Variants in NALCN observed in about 807,000 individuals in gnomAD.
NALCN encodes the protein sodium leak channel NALCN.
Under a neutral mutation model 225.3 loss-of-function variants are expected in NALCN, and 111 were observed. The ratio of observed to expected loss-of-function variants is 0.49; its 90% CI spans 0.42 to 0.58. The LOEUF is 0.58. NALCN is among the 20% of genes least tolerant of loss of function. The pLI is 0.00. For missense variants in NALCN, 1,378 were observed against 2,202.4 expected (o/e 0.63, Z 7.49); for synonymous variants, 764 against 769.0 (o/e 0.99, Z 0.11).
intron 6 of NALCN, among the ~76,000 whole-genome samples, chr13:101,349,863 T>A (rs2045857267): frequency 6.6e-6 from 1 of 152,128 alleles, no homozygotes; most frequent in Admixed American, 6.6e-5. Flanking sequence ...TCCAGCTCAA[T>A]AGGTCCCTTA....
At chr13:101,180,470 G>C (rs2039158891) in intron 14 of NALCN, 1 of 152,274 alleles carries the variant, frequency 6.6e-6, no homozygotes, top group Admixed American at 6.5e-5. Flanking sequence ...CTCCCAAAGT[G>C]CTAGGATTAC....
At chr13:101,094,778 CA>C (rs2034417522) in intron 28 of NALCN, among the ~76,000 whole-genome samples, 1 of 152,118 alleles carries the variant, frequency 6.6e-6, no homozygotes, top group Admixed American at 6.6e-5. Flanking sequence ...TGCTAGGGTA[CA>C]GCTGGGTGAA....
At chr13:101,312,951 C>A (rs2044404981) in intron 7 of NALCN, among the ~76,000 whole-genome samples, 1 of 152,150 alleles carries the variant, frequency 6.6e-6, no homozygotes, top group African/African-American at 2.4e-5. Context: ...GCTACAGTAA[C>A]CAAAACAGCA....
intron 40 of NALCN, 132 bp from the exon 41 acceptor site, chr13:101,062,250 C>T (rs540213139): frequency 1.2e-4 from 125 of 1,011,024 alleles, no homozygotes; most frequent in Middle Eastern, 9.5e-4. Context: ...CCTCGCCACC[C>T]GCATGTCTTG....
chr13:101,109,833 G>A (rs1594224935), intron 20 of NALCN, among the ~76,000 whole-genome samples: 1 of 151,962 alleles, frequency 6.6e-6, no homozygotes, highest in Admixed American at 6.6e-5. Flanking sequence ...GATAACCATC[G>A]TATCTAAAAT....
chr13:101,238,912 G>T (rs1455094221), intron 11 of NALCN, among the ~76,000 whole-genome samples: 1 of 151,934 alleles, frequency 6.6e-6, no homozygotes, highest in Admixed American at 6.6e-5. Context: ...TAAAGGCACT[G>T]CAGATAGTTA....
At chr13:101,413,563 T>A (rs9513890) in intron 1 of NALCN, among the ~76,000 whole-genome samples, 96,778 of 151,562 alleles carry the variant, frequency 0.64, 31,492 homozygotes, top group African/African-American at 0.7. Flanking sequence ...TATTCAGTGG[T>A]AAAAACAGTA....
At chr13:101,376,417 T>C (rs1481660224) in intron 6 of NALCN, among the ~76,000 whole-genome samples, 1 of 152,106 alleles carries the variant, frequency 6.6e-6, no homozygotes, top group Non-Finnish European at 1.5e-5. Flanking sequence ...CTTGGCAGGC[T>C]GAGGAAGGAG....
In NALCN at chr13:101,177,038, G is replaced by A. The variant is rs566745660; in HGVS notation, c.1765-664C>T. On this transcript the variant is annotated intron_variant, in intron 14 of 43. Coordinates refer to ENST00000251127, the MANE Select transcript of NALCN (RefSeq NM_052867.4). ...TGGTCTCTCCTAGATCACCTGCTCT[G>A]TGGAAGCAGGTGCTATGTTGTGAGG... 2.0e-5 allele frequency among the ~76,000 whole-genome samples: 3 copies of A among 152,304 alleles called. No homozygotes were observed. The South Asian group carries it at 6.2e-4, about 32-fold the overall frequency.
At chr13:101,321,374 A>G (rs1334182646) in intron 7 of NALCN, among the ~76,000 whole-genome samples, 1 of 152,172 alleles carries the variant, frequency 6.6e-6, no homozygotes, top group Non-Finnish European at 1.5e-5. Context: ...TTATAACCTC[A>G]TCAGTTACTA....
chr13:101,324,277 G>A lies in NALCN; in HGVS notation c.799+20989C>T, dbSNP rs187272689. On this transcript the variant is annotated intron_variant, in intron 7 of 43. Transcript: ENST00000251127. Reference sequence around the variant, plus strand: ...TGTGCAACAAGTATTTAACACTGACGAAAGCAAAAAATATAATGTCAATCA... The same window carrying A: ...TGTGCAACAAGTATTTAACACTGACAAAAGCAAAAAATATAATGTCAATCA... 4.6e-5 allele frequency among the ~76,000 whole-genome samples: 7 copies of A among 152,138 alleles called. No homozygotes were observed. The East Asian group carries it at 1.2e-3, about 25-fold the overall frequency.
intron 2 of NALCN, among the ~76,000 whole-genome samples, chr13:101,395,586 A>G (rs568338308): frequency 2.6e-5 from 4 of 152,222 alleles, no homozygotes; most frequent in Non-Finnish European, 4.4e-5. Context: ...CCACATAAAC[A>G]CACTAAGACA....
chr13:101,128,283 T>C (rs2139716631), intron 17 of NALCN, among the ~76,000 whole-genome samples: 1 of 152,342 alleles, frequency 6.6e-6, no homozygotes, highest in Admixed American at 6.5e-5. Flanking sequence ...TAAATTAAAT[T>C]TAAATTATCA....
chr13:101,348,298 T>C (rs1304005484), intron 6 of NALCN, among the ~76,000 whole-genome samples: 1 of 152,146 alleles, frequency 6.6e-6, no homozygotes, highest in East Asian at 1.9e-4. Flanking sequence ...TCCATAATGG[T>C]GTGAAAACGT....
At chr13:101,125,941 G>C (rs1375934716) in intron 17 of NALCN, among the ~76,000 whole-genome samples, 1 of 152,146 alleles carries the variant, frequency 6.6e-6, no homozygotes, top group Non-Finnish European at 1.5e-5. Context: ...CAAAGTTGAG[G>C]GGGGAAAGAA....
intron 10 of NALCN, among the ~76,000 whole-genome samples, chr13:101,270,215 G>C (rs1160656343): frequency 1.3e-5 from 2 of 152,160 alleles, no homozygotes; most frequent in East Asian, 3.8e-4. Flanking sequence ...ATTGTTGTGA[G>C]TTTTTCTTTA....
chr13:101,130,146 A>G lies in NALCN; in HGVS notation c.2119-5465T>C, dbSNP rs570619438. ...ACCTAAGCTTTTCTATATGATATCT[A>G]TATCTCCTTTTTTCTCCACAAAGAG... On this transcript the variant is annotated intron_variant, in intron 17 of 43. Transcript: ENST00000251127. Among the ~76,000 whole-genome samples, 21 of 152,090 alleles carry G rather than the reference A, an allele frequency of 1.4e-4. No individual in the cohort carries two copies. In the South Asian group the frequency reaches 3.9e-3, roughly 29 times the overall value.
chr13:101,230,965 A>G (rs934868564), intron 12 of NALCN, among the ~76,000 whole-genome samples: 25 of 152,170 alleles, frequency 1.6e-4, no homozygotes, highest in African/African-American at 6.0e-4. Context: ...CTATGTTTAG[A>G]TATACAAATA....
intron 15 of NALCN, among the ~76,000 whole-genome samples, chr13:101,169,715 T>C (rs1277988758): frequency 6.6e-6 from 1 of 152,234 alleles, no homozygotes; most frequent in Non-Finnish European, 1.5e-5. Context: ...CAGACAGCCT[T>C]TGTGGCTCTG....
Sources: allele counts gnomAD v4.1 joint callset (sites outside exome capture counted in the v4.1 genomes callset), GRCh38; gene constraint gnomAD v4.1.1; transcripts MANE v1.5; gene names NCBI Gene and HGNC (gene_info 2026-07-23, HGNC 2026-07-21).